The following ZC3H15 variants were observed in gnomAD, a reference collection of about 807,000 sequenced individuals.
ZC3H15 encodes the protein zinc finger CCCH domain-containing protein 15.
ZC3H15 carries 15 observed loss-of-function variants against 51.2 expected under a neutral mutation model. That is an observed-to-expected ratio of 0.29 (90% confidence interval 0.20 to 0.45). The LOEUF (loss-of-function observed/expected upper bound fraction) is 0.45, where lower values mean the gene tolerates loss of function less well. ZC3H15 is among the 20% of genes least tolerant of loss of function. The pLI is 1.00. For synonymous variants in ZC3H15, 144 were observed against 162.8 expected, an observed-to-expected ratio of 0.88 and a Z score of 0.88; for missense variants, 381 against 494.7, an observed-to-expected ratio of 0.77 and a Z score of 2.18.
At position 186,506,762 on chromosome 2, in the gene ZC3H15, C is replaced by T. The variant is rs1332980802; in HGVS notation, c.1016C>T (p.Pro339Leu). 1 of 1,613,492 alleles carries T rather than the reference C, an allele frequency of 6.2e-7. No homozygotes were observed. The highest frequency in any genetic ancestry group is 1.3e-5 in the African/African-American group (1 of 74,862). Residue 339 changes from proline to leucine, a missense_variant, in exon 9 of 10, where the codon CCA (proline) becomes CTA (leucine). This residue lies in a region of ZC3H15 where 215 missense variants were observed against 241.8 expected (regional missense o/e 0.89). Transcript: ENST00000337859. Reference protein sequence around the residue: ...VNDIDLSLYIPRDVDETGITV... With the variant: ...VNDIDLSLYILRDVDETGITV... ...GACATAGATTTAAGCCTGTACATCC[C>T]AAGAGATGTAGATGAAACAGGTATT...
chr2:186,492,240 G>A (rs1478422297), intron 1 of ZC3H15, among the ~76,000 whole-genome samples: 2 of 152,126 alleles, frequency 1.3e-5, no homozygotes, highest in East Asian at 3.9e-4. Context: ...TCCCGTGAGA[G>A]CTCACTTTTT....
rs141900570 is a variant in ZC3H15, at chr2:186,505,735, A to C, written c.865-5A>C. On this transcript the variant is annotated splice_polypyrimidine_tract_variant and splice_region_variant and intron_variant, in intron 7 of 9. Transcript: ENST00000337859. Reference sequence around the variant, plus strand: ...CTGAGTTGATATATTTGTGTGTCTCAATAGATCAGTGGTCGTGAAGTGTTT... The same window carrying C: ...CTGAGTTGATATATTTGTGTGTCTCCATAGATCAGTGGTCGTGAAGTGTTT... 5.1e-5 allele frequency: 82 copies of C among 1,613,938 alleles called. No individual in the cohort carries two copies. In the Middle Eastern group the frequency reaches 4.0e-3, roughly 78 times the overall value.
chr2:186,508,884 A>G lies in ZC3H15; in HGVS notation c.*151A>G, dbSNP rs1189892809. 2.6e-6 allele frequency: 2 copies of G among 764,682 alleles called. No homozygotes were observed. The highest frequency in any genetic ancestry group is 2.7e-5 in the East Asian group (1 of 37,040). 47.4% of individuals were successfully genotyped at this position (764,682 alleles called of 1,614,324 possible). On this transcript the variant is annotated 3_prime_UTR_variant, in exon 10 of 10. Transcript: ENST00000337859. ...CCTGCAAAAAAGGCATCTTGTCCCT[A>G]CATCTTCTCTTCTGACTTTGGCTAC...
At chr2:186,507,216 T>C (rs1224182294) in intron 9 of ZC3H15, among the ~76,000 whole-genome samples, 2 of 152,068 alleles carry the variant, frequency 1.3e-5, no homozygotes, top group African/African-American at 4.8e-5. Flanking sequence ...AGGAAAGACA[T>C]TGAGAAGGTC....
intron 2 of ZC3H15, among the ~76,000 whole-genome samples, chr2:186,497,650 A>C (rs1365741008): frequency 2.0e-5 from 3 of 152,200 alleles, no homozygotes; most frequent in African/African-American, 7.2e-5. Flanking sequence ...ATCAATATGT[A>C]AGAAGAACTC....
Position 186,509,164 on chromosome 2 carries a change from C to A in ZC3H15, c.*431C>A. On this transcript the variant is annotated 3_prime_UTR_variant, in exon 10 of 10. Transcript: ENST00000337859. ...TTTAGAAGACTGCCTAAAACATGAG[C>A]ACTGTACTTCATAAAGGAAACTGCG... 2.6e-6 allele frequency: 1 copy of A among 387,406 alleles called. No homozygotes were observed. Among genetic ancestry groups the A allele is most frequent in the Non-Finnish European group, 5.1e-6 (1 of 197,302 alleles). The allele number at this position is 387,406 out of a possible 1,614,324, so 24.0% of individuals were successfully genotyped here.
chr2:186,501,442 C>G lies in ZC3H15; in HGVS notation c.442+17C>G, dbSNP rs924125151. 6.3e-7 allele frequency: 1 copy of G among 1,598,282 alleles called. No homozygotes were observed. Among genetic ancestry groups the G allele is most frequent in the Non-Finnish European group, 8.5e-7 (1 of 1,172,540 alleles). ...TTGAAAAAGGTAATTTTTTTAAAAA[C>G]ACTCTCTTAAAAATAAATGTTGAAT... On this transcript the variant is annotated intron_variant, in intron 4 of 9. Transcript: ENST00000337859.
Position 186,486,410 on chromosome 2 carries a change from G to C in ZC3H15, c.28G>C (p.Gly10Arg), listed in dbSNP as rs757087499. Residue 10 changes from glycine (G) to arginine (R), a missense_variant, in exon 1 of 10, where the codon GGG (glycine) becomes CGG (arginine). By Grantham distance (125) the Gly-to-Arg change is moderately radical. This residue lies in a region of ZC3H15 where 125 missense variants were observed against 166.3 expected (regional missense o/e 0.75). Transcript: ENST00000337859. MPPKKQAQA[G>R]GSKKAEQKKK... ...GCCCCCCAAGAAACAGGCTCAGGCC[G>C]GGGGCAGCAAAAAGGCGGAGCAAAA... is the stretch of plus-strand genomic sequence containing the variant. 1.3e-6 allele frequency: 2 copies of C among 1,559,072 alleles called. No individual in the cohort carries two copies. Among genetic ancestry groups the C allele is most frequent in the South Asian group, 2.4e-5 (2 of 84,370 alleles).
intron 9 of ZC3H15, among the ~76,000 whole-genome samples, chr2:186,508,154 C>G (rs1160938302): frequency 6.6e-6 from 1 of 151,974 alleles, no homozygotes; most frequent in Non-Finnish European, 1.5e-5. Flanking sequence ...AACCAAAAGC[C>G]AAGTAGCTGC....
intron 1 of ZC3H15, chr2:186,488,751 A>T (rs1025813114): frequency 4.6e-5 from 7 of 152,200 alleles, no homozygotes; most frequent in African/African-American, 1.7e-4. Flanking sequence ...CTGAGTTGGC[A>T]TGAGAGTGTC....
chr2:186,505,632 T>G (rs1163493698), intron 7 of ZC3H15, 35 bp downstream of exon 7: 2 of 1,597,890 alleles, frequency 1.3e-6, no homozygotes, highest in Non-Finnish European at 1.7e-6. Context: ...GATTCTTTAT[T>G]CTTCCATTTT....
In ZC3H15 at chr2:186,488,973, TC is replaced by T. The variant is rs142302963; in HGVS notation, c.75+2517del. The stretch of plus-strand genomic sequence containing the variant: ...AACCTGCAGTACCGTTGGATGTATG[TC>T]TTTGAGGCCATTTCTTTCTGAAGAC... On this transcript the variant is annotated intron_variant, in intron 1 of 9. Transcript: ENST00000337859. The T allele has an allele frequency of 1.1e-3, 193 of 174,342 alleles. 1 individual carries two copies. The highest frequency in any genetic ancestry group is 4.4e-3 in the African/African-American group (184 of 42,040). 10.8% of individuals were successfully genotyped at this position (174,342 alleles called of 1,614,324 possible). A position where few individuals can be genotyped will look rare whatever the true frequency, so the allele number is the denominator to read the frequency against.
chr2:186,505,441 A>G lies in ZC3H15; in HGVS notation c.718-10A>G, dbSNP rs756139475. 11 of 1,521,274 alleles carry G rather than the reference A, an allele frequency of 7.2e-6. No individual in the cohort carries two copies. The highest frequency in any genetic ancestry group is 2.8e-5 in the African/African-American group (2 of 71,822). 94.2% of individuals were successfully genotyped at this position (1,521,274 alleles called of 1,614,324 possible). ...TCTGTGGAAAAAAAATTAATTCTTT[A>G]CCATTGCAGCGTTCTGCCCTAGGTC... is the stretch of plus-strand genomic sequence containing the variant. On this transcript the variant is annotated splice_polypyrimidine_tract_variant and intron_variant, in intron 6 of 9. Transcript: ENST00000337859.
chr2:186,497,058 G>T, intron 2 of ZC3H15: 1 of 369,774 alleles, frequency 2.7e-6, no homozygotes, highest in South Asian at 2.0e-5. Context: ...AAAAAATGTA[G>T]CCCCTTTTTT....
At position 186,486,345 on chromosome 2, in the gene ZC3H15, G is replaced by C; in HGVS notation, c.-38G>C. The C allele has an allele frequency of 6.6e-7, 1 of 1,518,272 alleles. No individual in the cohort carries two copies. The highest frequency in any genetic ancestry group is 8.9e-7 in the Non-Finnish European group (1 of 1,127,850). The allele number at this position is 1,518,272 out of a possible 1,614,324, so 94.1% of individuals were successfully genotyped here. On this transcript the variant is annotated 5_prime_UTR_variant, in exon 1 of 10. Coordinates refer to ENST00000337859, the MANE Select transcript of ZC3H15 (RefSeq NM_018471.3). Reference sequence around the variant, plus strand: ...GGGCCAGAACCCCTGACGGTATTCAGCTGCGCGTAAGTCTGGCCGGTGCCA... The same window carrying C: ...GGGCCAGAACCCCTGACGGTATTCACCTGCGCGTAAGTCTGGCCGGTGCCA...
At chr2:186,495,990 C>T (rs1685275594) in intron 2 of ZC3H15, among the ~76,000 whole-genome samples, 1 of 152,068 alleles carries the variant, frequency 6.6e-6, no homozygotes, top group African/African-American at 2.4e-5. Flanking sequence ...TTGTCTTTTT[C>T]TTGTCAATTT....
intron 1 of ZC3H15, among the ~76,000 whole-genome samples, chr2:186,494,769 A>G (rs910710521): frequency 1.3e-5 from 2 of 152,150 alleles, no homozygotes; most frequent in Non-Finnish European, 2.9e-5. Context: ...GAATCGAACA[A>G]TGAGAACACT....
At chr2:186,495,382 T>C (rs1365011173) in intron 2 of ZC3H15, 48 bp downstream of exon 2, 2 of 1,038,142 alleles carry the variant, frequency 1.9e-6, no homozygotes, top group Non-Finnish European at 2.6e-6. Context: ...AATATTAATA[T>C]AGCCTCTGTT....
intron 3 of ZC3H15, chr2:186,500,610 G>A (rs929326889): frequency 2.6e-5 from 13 of 508,344 alleles, no homozygotes; most frequent in Non-Finnish European, 3.8e-5. Flanking sequence ...TAAACTGTAC[G>A]TCCCAAGTTT....
Sources: gnomAD v4.1 joint callset for allele counts (sites outside exome capture counted in the v4.1 genomes callset) on GRCh38, gnomAD v4.1.1 for gene constraint, gnomAD v4.1.1 regional missense constraint, MANE v1.5 for transcripts, NCBI Gene and HGNC (gene_info 2026-07-23, HGNC 2026-07-21) for gene names.